The following RXFP1 variants were observed in gnomAD, a reference collection of about 807,000 sequenced individuals.
The protein encoded by RXFP1 is relaxin receptor 1.
Under a neutral mutation model 89.8 loss-of-function variants are expected in RXFP1, and 73 were observed. The ratio of observed to expected loss-of-function variants is 0.81; its 90% CI spans 0.67 to 0.99. The LOEUF (loss-of-function observed/expected upper bound fraction) is 0.99, where lower values mean the gene tolerates loss of function less well. Among genes scored for constraint, RXFP1 ranks in the 50% least tolerant of loss-of-function variants. RXFP1 has a pLI of 0.00. For synonymous variants in RXFP1, 277 were observed against 305.5 expected (o/e 0.91, Z 0.97); for missense variants, 793 against 895.5 (o/e 0.89, Z 1.46).
chr4:158,538,804 CAAAAAAA>C (rs10603295), intron 1 of RXFP1, among the ~76,000 whole-genome samples: 2 of 85,058 alleles, frequency 2.4e-5, no homozygotes, highest in African/African-American at 3.3e-5. Flanking sequence ...AATGCCGTCT[CAAAAAAA>C]AAAAAAAAAA....
chr4:158,580,798 T>G (rs1757200638), intron 2 of RXFP1, among the ~76,000 whole-genome samples: 1 of 152,174 alleles, frequency 6.6e-6, no homozygotes, highest in Admixed American at 6.5e-5. Context: ...CATGACTACT[T>G]TTTTTATTAT....
At chr4:158,529,806 G>C (rs1164166694) in intron 1 of RXFP1, among the ~76,000 whole-genome samples, 1 of 152,120 alleles carries the variant, frequency 6.6e-6, no homozygotes, top group Non-Finnish European at 1.5e-5. Flanking sequence ...TACCCACAAA[G>C]AGAAACTCTC....
chr4:158,522,083 G>A, intron 1 of RXFP1, 58 bp downstream of exon 1: 1 of 1,009,634 alleles, frequency 9.9e-7, no homozygotes, highest in Non-Finnish European at 1.5e-6. Context: ...ATAACCACAA[G>A]CACAAATGTT....
At chr4:158,592,180 T>A (rs75389212) in intron 2 of RXFP1, among the ~76,000 whole-genome samples, 1 of 152,258 alleles carries the variant, frequency 6.6e-6, no homozygotes, top group East Asian at 1.9e-4. Context: ...AATATATATA[T>A]AAGCACTCAG....
At chr4:158,614,623 G>T (rs1201162066) in intron 8 of RXFP1, among the ~76,000 whole-genome samples, 1 of 152,186 alleles carries the variant, frequency 6.6e-6, no homozygotes, top group Non-Finnish European at 1.5e-5. Flanking sequence ...CCTTGCTCTG[G>T]ATTAGGCTTT....
At chr4:158,572,454 G>A (rs184434751) in intron 1 of RXFP1, among the ~76,000 whole-genome samples, 1 of 152,320 alleles carries the variant, frequency 6.6e-6, no homozygotes, top group Admixed American at 6.5e-5. Context: ...GAGAGGAATG[G>A]AGAGGCACTC....
intron 2 of RXFP1, among the ~76,000 whole-genome samples, chr4:158,578,108 A>G (rs1756613107): frequency 6.6e-6 from 1 of 152,228 alleles, no homozygotes; most frequent in Non-Finnish European, 1.5e-5. Flanking sequence ...ACATACATAT[A>G]TCAAAAACTG....
In RXFP1 at chr4:158,626,144, A is replaced by ATAGATAGATAGATAGATAGT. The variant is rs1554019509; in HGVS notation, c.756-657_756-656insTTAGATAGATAGATAGATAG. Among the ~76,000 whole-genome samples, 540 of 148,826 alleles carry ATAGATAGATAGATAGATAGT rather than the reference A, an allele frequency of 3.6e-3. 1 individual carries two copies. Among genetic ancestry groups the ATAGATAGATAGATAGATAGT allele is most frequent in the Middle Eastern group, 0.021 (6 of 288 alleles). Reference sequence around the variant, plus strand: ...GATAGATAGATAGATAGATAGATAGATAGATAGATAGATAGATAGATAGAT... The same window carrying ATAGATAGATAGATAGATAGT: ...GATAGATAGATAGATAGATAGATAGATAGATAGATAGATAGATAGTTAGATAGATAGATAGATAGATAGAT... On this transcript the variant is annotated intron_variant, in intron 9 of 17. Coordinates refer to ENST00000307765, the MANE Select transcript of RXFP1 (RefSeq NM_021634.4).
intron 5 of RXFP1, among the ~76,000 whole-genome samples, chr4:158,607,429 G>T (rs906578093): frequency 1.6e-4 from 24 of 152,094 alleles, no homozygotes; most frequent in African/African-American, 5.8e-4. Context: ...TGATTTGGTT[G>T]ACAGATTTGT....
chr4:158,599,086 T>A lies in RXFP1; in HGVS notation c.287-240T>A, dbSNP rs186620941. On this transcript the variant is annotated intron_variant, in intron 3 of 17. Transcript: ENST00000307765. ...TGAATGGAGAACAGTCTGCTTTTTT[T>A]AAAAAAATACATGAGCTAGTGTGTG... 6.4e-3 allele frequency among the ~76,000 whole-genome samples: 973 copies of A among 151,560 alleles called. 11 individuals are homozygous for A. Among genetic ancestry groups the A allele is most frequent in the African/African-American group, 0.021 (888 of 41,360 alleles).
At chr4:158,540,665 A>G (rs1042230725) in intron 1 of RXFP1, among the ~76,000 whole-genome samples, 1 of 150,784 alleles carries the variant, frequency 6.6e-6, no homozygotes, top group Non-Finnish European at 1.5e-5. Flanking sequence ...TGACATTACT[A>G]ATTCTCATGT....
chr4:158,573,587 A>T (rs1755605983), intron 2 of RXFP1, among the ~76,000 whole-genome samples: 1 of 152,194 alleles, frequency 6.6e-6, no homozygotes, highest in African/African-American at 2.4e-5. Flanking sequence ...GGTCCAGGGA[A>T]GCCCAAAGAC....
intron 5 of RXFP1, among the ~76,000 whole-genome samples, chr4:158,605,403 C>G (rs183254217): frequency 1.3e-5 from 2 of 152,272 alleles, no homozygotes; most frequent in Admixed American, 1.3e-4. Flanking sequence ...CACAATCCCC[C>G]AAAACGGAGA....
At chr4:158,556,200 CAAAATACAT>C (rs1347055953) in intron 1 of RXFP1, among the ~76,000 whole-genome samples, 1 of 141,790 alleles carries the variant, frequency 7.1e-6, no homozygotes, top group East Asian at 2.0e-4. Context: ...AGTTGATATC[CAAAATACAT>C]AAGAAACTTA....
chr4:158,608,254 G>A (rs1762881945), intron 6 of RXFP1, among the ~76,000 whole-genome samples: 1 of 136,964 alleles, frequency 7.3e-6, no homozygotes, highest in Non-Finnish European at 1.6e-5. Context: ...CTAGGTGTGT[G>A]ATCTTGAGCA....
intron 1 of RXFP1, among the ~76,000 whole-genome samples, chr4:158,552,650 A>C (rs1286325752): frequency 6.6e-6 from 1 of 152,246 alleles, no homozygotes; most frequent in Non-Finnish European, 1.5e-5. Context: ...TGGGAATTAG[A>C]ATAGTGAGAC....
At chr4:158,526,037 A>C (rs985789275) in intron 1 of RXFP1, among the ~76,000 whole-genome samples, 1 of 152,256 alleles carries the variant, frequency 6.6e-6, no homozygotes, top group Non-Finnish European at 1.5e-5. Context: ...AATATTAGCC[A>C]GCCCAAGGTC....
chr4:158,522,516 G>T (rs529952620), intron 1 of RXFP1, among the ~76,000 whole-genome samples: 1 of 152,044 alleles, frequency 6.6e-6, no homozygotes, highest in African/African-American at 2.4e-5. Flanking sequence ...ACTGTTCCTT[G>T]AAAGAAAAAC....
At position 158,608,010 on chromosome 4, in the gene RXFP1, A is replaced by G. The variant is rs754527716; in HGVS notation, c.503A>G (p.Tyr168Cys). The stretch of plus-strand genomic sequence containing the variant: ...AATAAGATTACATCCATCTCCATCT[A>G]TGCTTTCAGAGGACTGAATAGCCTT... ...QNNKITSISI[Y>C]AFRGLNSLTK... The change falls in exon 6 of 18, where the codon TAT becomes TGT. Residue 168 changes from tyrosine to cysteine, a missense_variant. Transcript: ENST00000307765. The G allele has an allele frequency of 1.9e-6, 3 of 1,609,100 alleles. No individual in the cohort carries two copies. Among genetic ancestry groups the G allele is most frequent in the Non-Finnish European group, 2.6e-6 (3 of 1,176,444 alleles).
Sources: allele counts gnomAD v4.1 joint callset (sites outside exome capture counted in the v4.1 genomes callset), GRCh38; gene constraint gnomAD v4.1.1; transcripts MANE v1.5; gene names NCBI Gene and HGNC (gene_info 2026-07-23, HGNC 2026-07-21).